The following ROR2 variants were observed in gnomAD, a reference collection of about 807,000 sequenced individuals.
ROR2 encodes the protein ROR family WNT receptor 2, also known as tyrosine-protein kinase transmembrane receptor ROR2.
ROR2 carries 33 observed loss-of-function variants against 74.9 expected under a neutral mutation model. The observed-to-expected ratio is 0.44, with a 90% confidence interval of 0.33 to 0.59. The LOEUF is 0.59. Ranked by LOEUF, ROR2 falls within the 20% of genes least tolerant of loss-of-function variation. ROR2 has a pLI of 0.02. For synonymous variants in ROR2, 586 were observed against 558.7 expected (o/e 1.05, Z -0.69); for missense variants, 1,216 against 1,313.8 (o/e 0.93, Z 1.15).
At chr9:91,865,537 G>C (rs1379103443) in intron 1 of ROR2, among the ~76,000 whole-genome samples, 2 of 152,214 alleles carry the variant, frequency 1.3e-5, no homozygotes, top group African/African-American at 4.8e-5. Flanking sequence ...GTAATCAAAA[G>C]CAGTTAGGTA....
At chr9:91,939,874 G>C (rs914395517) in intron 1 of ROR2, among the ~76,000 whole-genome samples, 2 of 152,184 alleles carry the variant, frequency 1.3e-5, no homozygotes, top group Admixed American at 1.3e-4. Context: ...CCCACCAAAA[G>C]AGGGCTCCAG....
chr9:91,885,868 CTTTTT>C (rs542499117), intron 1 of ROR2, among the ~76,000 whole-genome samples: 8 of 108,154 alleles, frequency 7.4e-5, no homozygotes, highest in East Asian at 5.6e-4. Context: ...GTATGGTTTC[CTTTTT>C]TTTTTTTTTT....
Position 91,731,091 on chromosome 9 carries a change from G to A in ROR2, c.1002C>T (p.Gly334=). 6.2e-7 allele frequency: 1 copy of A among 1,614,088 alleles called. No individual in the cohort carries two copies. The highest frequency in any genetic ancestry group is 8.5e-7 in the Non-Finnish European group (1 of 1,180,022). The change falls in exon 7 of 9, where the codon GGC becomes GGT. Residue 334 remains glycine (G), a synonymous_variant. Coordinates refer to ENST00000375708, the MANE Select transcript of ROR2 (RefSeq NM_004560.4). ...YRGTASTTKS[G]HQCQPWALQH... ...GCAGGGCCCACGGCTGGCACTGGTGGCCTGACTTGGTGGTGCTTGCCGTTC... is the reference window on the plus strand; with the variant it reads ...GCAGGGCCCACGGCTGGCACTGGTGACCTGACTTGGTGGTGCTTGCCGTTC...
At chr9:91,829,549 C>CA (rs34687056) in intron 1 of ROR2, among the ~76,000 whole-genome samples, 2,716 of 38,618 alleles carry the variant, frequency 0.07, 294 homozygotes, top group East Asian at 0.21. Flanking sequence ...GACTCCGTCT[C>CA]AAAAAAAAAA....
intron 1 of ROR2, among the ~76,000 whole-genome samples, chr9:91,800,009 T>C (rs1310705366): frequency 6.6e-6 from 1 of 152,234 alleles, no homozygotes; most frequent in East Asian, 1.9e-4. Context: ...TTGTGACTTT[T>C]GGACATTTGT....
At position 91,737,515 on chromosome 9, in the gene ROR2, A is replaced by G. The variant is rs16907720; in HGVS notation, c.498T>C (p.Asp166=). Residue 166 remains aspartate, a synonymous_variant, in exon 5 of 9, where the codon GAT becomes GAC. Coordinates refer to ENST00000375708, the MANE Select transcript of ROR2 (RefSeq NM_004560.4). ...PTHSPNHNFQ[D]DYHEDGFCQP... is the part of the protein sequence containing the mutation. ...GGCAGAACCCATCCTCGTGGTAATC[A>G]TCCCTGGTAAGAAACACACAAAGTC... is the stretch of plus-strand genomic sequence containing the variant. The G allele has an allele frequency of 0.062, 99,835 of 1,614,098 alleles. 3,888 individuals carry two copies. The highest frequency in any genetic ancestry group is 0.17 in the African/African-American group (12,983 of 74,986).
At position 91,937,029 on chromosome 9, in the gene ROR2, C is replaced by CAA. The variant is rs540672189; in HGVS notation, c.97+12836_97+12837dup. Among the ~76,000 whole-genome samples, 104 of 65,650 alleles carry CAA rather than the reference C, an allele frequency of 1.6e-3. 5 individuals are homozygous for CAA. The highest frequency in any genetic ancestry group is 5.6e-3 in the African/African-American group (92 of 16,368). 43.1% of individuals were successfully genotyped at this position (65,650 alleles called of 152,430 possible). On this transcript the variant is annotated intron_variant, in intron 1 of 8. Coordinates refer to ENST00000375708, the MANE Select transcript of ROR2 (RefSeq NM_004560.4). ...TGGGCGACAGAGCGAGACTCCGTCT[C>CAA]AAAAAAAAAAAAAAAAAAGATTTCC...
At chr9:91,815,887 T>G (rs1385547131) in intron 1 of ROR2, among the ~76,000 whole-genome samples, 1 of 151,968 alleles carries the variant, frequency 6.6e-6, no homozygotes, top group Admixed American at 6.6e-5. Flanking sequence ...GTGGAAGGGG[T>G]TGCCCTGAGA....
chr9:91,882,687 AAG>A (rs973508482), intron 1 of ROR2, among the ~76,000 whole-genome samples: 1 of 152,184 alleles, frequency 6.6e-6, no homozygotes, highest in African/African-American at 2.4e-5. Context: ...AGGTTTTTAA[AAG>A]AGTAATTCAG....
chr9:91,858,793 A>G (rs1460132169), intron 1 of ROR2, among the ~76,000 whole-genome samples: 3 of 152,186 alleles, frequency 2.0e-5, no homozygotes, highest in Non-Finnish European at 4.4e-5. Flanking sequence ...CAAGTCATGT[A>G]ATCTCCACAA....
At chr9:91,812,595 C>T (rs1052064433) in intron 1 of ROR2, among the ~76,000 whole-genome samples, 2 of 150,138 alleles carry the variant, frequency 1.3e-5, no homozygotes, top group African/African-American at 4.9e-5. Context: ...TGTGGCCTGT[C>T]GCACACACTG....
chr9:91,860,227 G>A (rs4744105), intron 1 of ROR2, among the ~76,000 whole-genome samples: 21,380 of 152,144 alleles, frequency 0.14, 1,852 homozygotes, highest in Admixed American at 0.23. Flanking sequence ...AGAGCAGGCC[G>A]GGAGACAACG....
chr9:91,775,348 G>A (rs1189121274), intron 2 of ROR2, among the ~76,000 whole-genome samples: 3 of 152,208 alleles, frequency 2.0e-5, no homozygotes, highest in African/African-American at 7.2e-5. Flanking sequence ...AGGCCCAGGG[G>A]AAGAACTGAA....
intron 1 of ROR2, among the ~76,000 whole-genome samples, chr9:91,862,884 A>G (rs1439230363): frequency 6.6e-6 from 1 of 152,242 alleles, no homozygotes; most frequent in South Asian, 2.1e-4. Flanking sequence ...TAAATAGTAA[A>G]AAAGGCAACT....
rs150529532 is a variant in ROR2, at chr9:91,835,433, A to G, written c.98-59615T>C. On this transcript the variant is annotated intron_variant, in intron 1 of 8. Coordinates refer to ENST00000375708, the MANE Select transcript of ROR2 (RefSeq NM_004560.4). ...ACACTGCCCCCAGCCCTCATTCCAT[A>G]TACTGGAAAAGCAGAAGGAGCAAAA... 4.4e-3 allele frequency among the ~76,000 whole-genome samples: 665 copies of G among 152,132 alleles called. 4 individuals are homozygous for G. The highest frequency in any genetic ancestry group is 6.3e-3 in the Non-Finnish European group (428 of 68,012).
chr9:91,856,293 T>A (rs944369307), intron 1 of ROR2, among the ~76,000 whole-genome samples: 8 of 152,200 alleles, frequency 5.3e-5, no homozygotes, highest in South Asian at 2.1e-4. Flanking sequence ...AGGTGGAGGC[T>A]TCAGTGAGCT....
rs185111737 is a variant in ROR2, at chr9:91,905,238, C to T, written c.97+44629G>A. ...ACCAAACACCACTCAACACAAACAC[C>T]ACATACAACACATACACAAACATCA... On this transcript the variant is annotated intron_variant, in intron 1 of 8. Transcript: ENST00000375708. The surrounding 1 kb of genome is among the most constrained non-coding windows in gnomAD (Gnocchi z 5.3). Among the ~76,000 whole-genome samples, 694 of 151,602 alleles carry T rather than the reference C, an allele frequency of 4.6e-3. 8 individuals carry two copies. Among genetic ancestry groups the T allele is most frequent in the African/African-American group, 0.016 (664 of 41,326 alleles).
chr9:91,753,906 T>C (rs971866685), intron 4 of ROR2, among the ~76,000 whole-genome samples: 3 of 152,260 alleles, frequency 2.0e-5, no homozygotes, highest in African/African-American at 4.8e-5. Flanking sequence ...CAATAGTGTA[T>C]AGGTAAGCAT....
At chr9:91,880,095 T>C (rs11795340) in intron 1 of ROR2, among the ~76,000 whole-genome samples, 4,439 of 152,148 alleles carry the variant, frequency 0.029, 107 homozygotes, top group East Asian at 0.087. Flanking sequence ...ACAGAACCTT[T>C]GAAGAAGTAA....
Sources: allele counts gnomAD v4.1 joint callset (sites outside exome capture counted in the v4.1 genomes callset), GRCh38; gene constraint gnomAD v4.1.1; non-coding constraint Gnocchi (gnomAD v3.1); transcripts MANE v1.5; gene names NCBI Gene and HGNC (gene_info 2026-07-23, HGNC 2026-07-21).